The following MAD1L1 variants were observed in gnomAD, a reference collection of about 807,000 sequenced individuals.
MAD1L1 encodes mitotic arrest deficient 1 like 1, also known as mitotic spindle assembly checkpoint protein MAD1.
MAD1L1 carries 95 observed loss-of-function variants against 96.9 expected under a neutral mutation model. The ratio of observed to expected loss-of-function variants is 0.98; its 90% CI spans 0.83 to 1.16. MAD1L1 has a LOEUF of 1.16. Ranked by LOEUF, MAD1L1 falls within the 50% of genes most tolerant of loss-of-function variation. The probability of loss-of-function intolerance (pLI) is 0.00; values close to 1 mark genes in which losing one functional copy is unlikely to be tolerated. For missense variants in MAD1L1, 1,007 were observed against 954.4 expected (o/e 1.06, Z -0.73); for synonymous variants, 473 against 396.6 (o/e 1.19, Z -2.29).
intron 12 of MAD1L1, among the ~76,000 whole-genome samples, chr7:2,026,219 G>T (rs1326136466): frequency 6.6e-6 from 1 of 152,118 alleles, no homozygotes; most frequent in Non-Finnish European, 1.5e-5. Flanking sequence ...ACAATCCGCA[G>T]AGATAAAGAA....
At chr7:1,856,706 C>T (rs539381664) in intron 18 of MAD1L1, among the ~76,000 whole-genome samples, 25 of 152,280 alleles carry the variant, frequency 1.6e-4, no homozygotes, top group African/African-American at 5.5e-4. Flanking sequence ...AGCCCCGCCG[C>T]GCTCCAGACC....
chr7:2,047,069 C>T (rs1056992809), intron 12 of MAD1L1, among the ~76,000 whole-genome samples: 1 of 152,194 alleles, frequency 6.6e-6, no homozygotes, highest in African/African-American at 2.4e-5. Flanking sequence ...CTGTTTACTG[C>T]GTGCCACCCT....
intron 13 of MAD1L1, among the ~76,000 whole-genome samples, chr7:2,011,360 A>G (rs1480631179): frequency 6.6e-6 from 1 of 151,966 alleles, no homozygotes; most frequent in Non-Finnish European, 1.5e-5. Flanking sequence ...GGAGCATAGC[A>G]CTCCTGCTGG....
chr7:2,029,829 G>A (rs1266908852), intron 12 of MAD1L1, among the ~76,000 whole-genome samples: 2 of 152,118 alleles, frequency 1.3e-5, no homozygotes, highest in African/African-American at 4.8e-5. Flanking sequence ...GCAAGAGAGT[G>A]ATTGATAGAG....
intron 18 of MAD1L1, among the ~76,000 whole-genome samples, chr7:1,831,222 T>G (rs575422338): frequency 1.6e-4 from 25 of 152,344 alleles, no homozygotes; most frequent in African/African-American, 5.5e-4. Context: ...GTCTGTGTCG[T>G]ATATATTTCC....
chr7:2,122,863 G>A (rs145769809), intron 11 of MAD1L1, among the ~76,000 whole-genome samples: 1 of 152,356 alleles, frequency 6.6e-6, no homozygotes, highest in East Asian at 1.9e-4. Flanking sequence ...CATGGCGTCA[G>A]TGTGGGTGGT....
At chr7:2,141,968 C>T (rs956712085) in intron 11 of MAD1L1, among the ~76,000 whole-genome samples, 2 of 152,218 alleles carry the variant, frequency 1.3e-5, no homozygotes, top group Non-Finnish European at 2.9e-5. Flanking sequence ...CAGCCATCAC[C>T]GGCCAGCAGG....
chr7:2,085,522 C>T (rs924662969), intron 11 of MAD1L1, among the ~76,000 whole-genome samples: 1 of 152,250 alleles, frequency 6.6e-6, no homozygotes, highest in Non-Finnish European at 1.5e-5. Flanking sequence ...CAGGAATGCC[C>T]TGCTTTGAGT....
intron 18 of MAD1L1, among the ~76,000 whole-genome samples, chr7:1,826,919 G>A (rs1782422997): frequency 6.6e-6 from 1 of 152,142 alleles, no homozygotes; most frequent in African/African-American, 2.4e-5. Flanking sequence ...GGGCGGGCAA[G>A]GCCAGGCACC....
chr7:2,125,535 GCCCAGGTGA>G (rs1788192428), intron 11 of MAD1L1, among the ~76,000 whole-genome samples: 1 of 152,148 alleles, frequency 6.6e-6, no homozygotes, highest in East Asian at 1.9e-4. Flanking sequence ...GTTCTCATCT[GCCCAGGTGA>G]GCGAGGGCCT....
At chr7:2,093,453 A>C (rs10256690) in intron 11 of MAD1L1, among the ~76,000 whole-genome samples, 8,116 of 152,260 alleles carry the variant, frequency 0.053, 387 homozygotes, top group African/African-American at 0.12. Flanking sequence ...TCCTGGCCAA[A>C]ACAGTCACAG....
intron 12 of MAD1L1, among the ~76,000 whole-genome samples, chr7:2,033,275 C>T (rs1783315302): frequency 6.6e-6 from 1 of 152,224 alleles, no homozygotes; most frequent in Admixed American, 6.5e-5. Flanking sequence ...GTGCGGAGCC[C>T]CAGTTTGAAC....
chr7:1,922,304 C>A (rs1176686687), intron 17 of MAD1L1, among the ~76,000 whole-genome samples: 1 of 152,278 alleles, frequency 6.6e-6, no homozygotes, highest in African/African-American at 2.4e-5. Flanking sequence ...ACCTCCCACG[C>A]CTCGCCTCAG....
At chr7:2,202,175 CAG>C (rs1792346000) in intron 10 of MAD1L1, 2 of 152,440 alleles carry the variant, frequency 1.3e-5, no homozygotes, top group African/African-American at 4.8e-5. Flanking sequence ...ACGTCTGGCT[CAG>C]GGGCGCTAAA....
chr7:2,120,567 G>A (rs1043888498), intron 11 of MAD1L1, among the ~76,000 whole-genome samples: 3 of 152,162 alleles, frequency 2.0e-5, no homozygotes, highest in Non-Finnish European at 4.4e-5. Context: ...CAGACTCCCC[G>A]TGCCCCCACG....
chr7:2,189,897 T>A lies in MAD1L1; in HGVS notation c.986+23315A>T, dbSNP rs1791639617. On this transcript the variant is annotated intron_variant, in intron 10 of 18. Coordinates refer to ENST00000265854, the MANE Select transcript of MAD1L1 (RefSeq NM_001013836.2). Reference sequence around the variant, plus strand: ...CAAGACCCTAAAACTAACCTCATGCTTCAGGAAAATCTAAACGCTTTCCCT... The same window carrying A: ...CAAGACCCTAAAACTAACCTCATGCATCAGGAAAATCTAAACGCTTTCCCT... Among the ~76,000 whole-genome samples the A allele has an allele frequency of 2.0e-5, 3 of 152,332 alleles. No individual in the cohort carries two copies. In the South Asian group the frequency reaches 6.2e-4, roughly 32 times the overall value.
rs537107801 is a variant in MAD1L1 at position 2,061,349 on chromosome 7, T to A, written c.1218+7845A>T. Among the ~76,000 whole-genome samples, 605 of 146,840 alleles carry A rather than the reference T, an allele frequency of 4.1e-3. 6 individuals are homozygous for A. Among genetic ancestry groups the A allele is most frequent in the African/African-American group, 0.014 (573 of 41,248 alleles). ...GAGACTCCGTCTCAAAAAATAATAA[T>A]AAAATTAAAATAAAATAAAATAAAA... On this transcript the variant is annotated intron_variant, in intron 12 of 18. Coordinates refer to ENST00000265854, the MANE Select transcript of MAD1L1 (RefSeq NM_001013836.2).
At chr7:2,205,758 T>C (rs1473400076) in intron 10 of MAD1L1, among the ~76,000 whole-genome samples, 2 of 152,356 alleles carry the variant, frequency 1.3e-5, no homozygotes, top group African/African-American at 2.4e-5. Flanking sequence ...CAGTCTTAAT[T>C]TGCATTCCCC....
In MAD1L1 at chr7:2,004,198, G is replaced by A. The variant is rs78492715; in HGVS notation, c.1360-2077C>T. On this transcript the variant is annotated intron_variant, in intron 13 of 18. Transcript: ENST00000265854. Reference sequence around the variant, plus strand: ...AGAGAGCAGCCCAAACAGGGGGGACGACAACAAGGCTCTGAGGTGGCCTGG... The same window carrying A: ...AGAGAGCAGCCCAAACAGGGGGGACAACAACAAGGCTCTGAGGTGGCCTGG... 4.4e-3 allele frequency among the ~76,000 whole-genome samples: 671 copies of A among 152,282 alleles called. 6 individuals carry two copies. The highest frequency in any genetic ancestry group is 0.016 in the African/African-American group (647 of 41,554).
Sources: allele counts gnomAD v4.1 joint callset (sites outside exome capture counted in the v4.1 genomes callset), GRCh38; gene constraint gnomAD v4.1.1; transcripts MANE v1.5; gene names NCBI Gene and HGNC (gene_info 2026-07-23, HGNC 2026-07-21).